PLCB1: variants seen among roughly 807,000 people sequenced by gnomAD.
The protein encoded by PLCB1 is phospholipase C beta 1.
A neutral mutation model predicts 161.8 loss-of-function variants in PLCB1; 46 were observed. The observed-to-expected ratio is 0.28, with a 90% confidence interval of 0.22 to 0.36. PLCB1 has a LOEUF of 0.36. PLCB1 is among the 10% of genes least tolerant of loss of function. The probability of loss-of-function intolerance (pLI) is 1.00; values close to 1 mark genes in which losing one functional copy is unlikely to be tolerated. For missense variants in PLCB1, 1,016 were observed against 1,472.5 expected (o/e 0.69, Z 5.07); for synonymous variants, 517 against 503.7 (o/e 1.03, Z -0.35).
intron 3 of PLCB1, among the ~76,000 whole-genome samples, chr20:8,400,522 T>G (rs1349861497): frequency 6.6e-6 from 1 of 152,234 alleles, no homozygotes; most frequent in African/African-American, 2.4e-5. Context: ...AAGGTTATCT[T>G]ATTAAAAAGT....
chr20:8,526,722 G>T (rs1984598655), intron 3 of PLCB1, among the ~76,000 whole-genome samples: 1 of 151,990 alleles, frequency 6.6e-6, no homozygotes, highest in African/African-American at 2.4e-5. Flanking sequence ...ATGTCTTGGG[G>T]TTTTAATTGA....
intron 2 of PLCB1, among the ~76,000 whole-genome samples, chr20:8,308,144 G>A (rs1984222479): frequency 1.3e-5 from 2 of 151,920 alleles, no homozygotes; most frequent in African/African-American, 4.8e-5. Context: ...TCATATTATA[G>A]CCAGCAATTA....
At position 8,730,334 on chromosome 20, in the gene PLCB1, C is replaced by A. The variant is rs181320260; in HGVS notation, c.1888+1160C>A. On this transcript the variant is annotated intron_variant, in intron 18 of 31. Transcript: ENST00000338037. The stretch of plus-strand genomic sequence containing the variant: ...CTCAGTGAGATCAATCCTTTTTTTT[C>A]ATCCTAAACAATCATCCCACTGAAC... Among the ~76,000 whole-genome samples, 6 of 151,588 alleles carry A rather than the reference C, an allele frequency of 4.0e-5. No individual in the cohort carries two copies. The East Asian group carries it at 9.7e-4, about 24-fold the overall frequency.
chr20:8,353,221 A>G (rs918251513), intron 2 of PLCB1, among the ~76,000 whole-genome samples: 5 of 152,146 alleles, frequency 3.3e-5, no homozygotes, highest in African/African-American at 1.2e-4. Flanking sequence ...AGACTTCTCA[A>G]TGGTCAAAGC....
chr20:8,841,471 A>G (rs1247758405), intron 31 of PLCB1, among the ~76,000 whole-genome samples: 1 of 152,218 alleles, frequency 6.6e-6, no homozygotes, highest in African/African-American at 2.4e-5. Context: ...TCCTTCTAAA[A>G]CAGATCATTA....
chr20:8,422,576 C>T (rs1216850731), intron 3 of PLCB1, among the ~76,000 whole-genome samples: 1 of 152,122 alleles, frequency 6.6e-6, no homozygotes, highest in Non-Finnish European at 1.5e-5. Flanking sequence ...AATTATACCT[C>T]AATAAAAACG....
At chr20:8,322,093 C>T (rs1259107183) in intron 2 of PLCB1, among the ~76,000 whole-genome samples, 2 of 152,118 alleles carry the variant, frequency 1.3e-5, no homozygotes, top group African/African-American at 4.8e-5. Context: ...AATTCCCCAG[C>T]AGAACTGAGC....
intron 2 of PLCB1, among the ~76,000 whole-genome samples, chr20:8,344,519 C>T (rs576355433): frequency 3.3e-5 from 5 of 152,324 alleles, no homozygotes; most frequent in East Asian, 3.9e-4. Context: ...CCATTTCATG[C>T]GCAAGTTCTA....
intron 2 of PLCB1, among the ~76,000 whole-genome samples, chr20:8,309,645 A>G (rs1984300393): frequency 6.6e-6 from 1 of 152,186 alleles, no homozygotes; most frequent in African/African-American, 2.4e-5. Context: ...GGGAGCAGCT[A>G]TAGGGTGAGA....
At chr20:8,195,321 G>A (rs950222687) in intron 2 of PLCB1, among the ~76,000 whole-genome samples, 14 of 151,954 alleles carry the variant, frequency 9.2e-5, no homozygotes, top group African/African-American at 3.1e-4. Flanking sequence ...CCAATGAGAG[G>A]GTATTTGGAT....
At chr20:8,578,510 CAT>C (rs1431613321) in intron 3 of PLCB1, among the ~76,000 whole-genome samples, 2 of 152,162 alleles carry the variant, frequency 1.3e-5, no homozygotes, top group African/African-American at 4.8e-5. Context: ...ATGGAGAACA[CAT>C]GTGAGTTATT....
At chr20:8,312,311 C>G (rs1297992214) in intron 2 of PLCB1, among the ~76,000 whole-genome samples, 1 of 152,110 alleles carries the variant, frequency 6.6e-6, no homozygotes, top group Admixed American at 6.6e-5. Context: ...TATCCCATTC[C>G]CACAGTTAGG....
intron 9 of PLCB1, among the ~76,000 whole-genome samples, chr20:8,669,136 C>T (rs1372632101): frequency 6.6e-6 from 1 of 152,220 alleles, no homozygotes; most frequent in East Asian, 1.9e-4. Flanking sequence ...ATGTGATTCA[C>T]TTCCATTTCT....
At chr20:8,705,761 G>C (rs1978635707) in intron 11 of PLCB1, among the ~76,000 whole-genome samples, 1 of 152,228 alleles carries the variant, frequency 6.6e-6, no homozygotes, top group South Asian at 2.1e-4. Context: ...TCAATGGACT[G>C]TATCCAGGTG....
At chr20:8,393,821 C>A (rs1036289646) in intron 3 of PLCB1, among the ~76,000 whole-genome samples, 1 of 152,130 alleles carries the variant, frequency 6.6e-6, no homozygotes, top group Non-Finnish European at 1.5e-5. Context: ...AAGTTAACCA[C>A]ACTTAATAAA....
chr20:8,535,200 G>GGC (rs1403347604), intron 3 of PLCB1, among the ~76,000 whole-genome samples: 2 of 93,954 alleles, frequency 2.1e-5, no homozygotes, highest in Admixed American at 2.7e-4. Flanking sequence ...AGAGTTTATG[G>GGC]GCAAAAAAAA....
chr20:8,373,285 C>G (rs1986962609), intron 3 of PLCB1, among the ~76,000 whole-genome samples: 1 of 152,064 alleles, frequency 6.6e-6, no homozygotes, highest in Non-Finnish European at 1.5e-5. Flanking sequence ...TCAAGAACCT[C>G]ACTCTCCTCT....
At chr20:8,836,666 C>T (rs895024407) in intron 31 of PLCB1, among the ~76,000 whole-genome samples, 9 of 152,074 alleles carry the variant, frequency 5.9e-5, no homozygotes, top group Non-Finnish European at 1.3e-4. Flanking sequence ...TAAATATTAC[C>T]ATTGGATACT....
At chr20:8,704,837 T>C (rs960895824) in intron 11 of PLCB1, among the ~76,000 whole-genome samples, 4 of 152,154 alleles carry the variant, frequency 2.6e-5, no homozygotes, top group Non-Finnish European at 4.4e-5. Context: ...GCTGACCTAA[T>C]GGCACAATAT....
Sources: gnomAD v4.1 joint callset for allele counts (sites outside exome capture counted in the v4.1 genomes callset) on GRCh38, gnomAD v4.1.1 for gene constraint, MANE v1.5 for transcripts, NCBI Gene and HGNC (gene_info 2026-07-23, HGNC 2026-07-21) for gene names.